Variants in RNF115 observed in about 807,000 individuals in gnomAD.
RNF115 encodes ring finger protein 115.
RNF115 carries 31 observed loss-of-function variants against 39.2 expected under a neutral mutation model. The observed-to-expected ratio is 0.79, with a 90% confidence interval of 0.59 to 1.07. The LOEUF is 1.07. Ranked by LOEUF, RNF115 falls within the 50% of genes least tolerant of loss-of-function variation. RNF115 has a pLI of 0.00. For synonymous variants in RNF115, 124 were observed against 131.0 expected (o/e 0.95, Z 0.37); for missense variants, 384 against 381.7 (o/e 1.01, Z -0.05).
At chr1:145,754,038 CACTTT>C (rs1320376047) in intron 4 of RNF115, among the ~76,000 whole-genome samples, 1 of 152,094 alleles carries the variant, frequency 6.6e-6, no homozygotes. Flanking sequence ...CCCTGGTTCC[CACTTT>C]ACTTATTAGG....
At chr1:145,766,521 G>C (rs12734688) in intron 4 of RNF115, among the ~76,000 whole-genome samples, 1 of 151,448 alleles carries the variant, frequency 6.6e-6, no homozygotes, top group Admixed American at 6.6e-5. Context: ...ACACCTCCCA[G>C]ACGGGGTGGT....
intron 4 of RNF115, among the ~76,000 whole-genome samples, chr1:145,761,618 ACCCGGATGCCCAG>A (rs1553713859): frequency 6.6e-6 from 1 of 152,216 alleles, no homozygotes; most frequent in African/African-American, 2.4e-5. Context: ...GTATGGAAAC[ACCCGGATGCCCAG>A]GCAAAAGTTT....
At chr1:145,820,397 C>G (rs1452160761) in intron 1 of RNF115, among the ~76,000 whole-genome samples, 2 of 151,714 alleles carry the variant, frequency 1.3e-5, no homozygotes, top group East Asian at 3.9e-4. Context: ...CCCACAAATT[C>G]AAGAACAGCC....
intron 3 of RNF115, among the ~76,000 whole-genome samples, chr1:145,783,224 CA>C: frequency 6.6e-6 from 1 of 152,228 alleles, no homozygotes; most frequent in South Asian, 2.1e-4. Flanking sequence ...AATGCAAGTT[CA>C]AAACACGATC....
intron 1 of RNF115, among the ~76,000 whole-genome samples, chr1:145,794,420 G>A (rs1648838100): frequency 6.6e-6 from 1 of 150,964 alleles, no homozygotes; most frequent in Admixed American, 6.6e-5. Context: ...AACTCATCAA[G>A]CTCAGCACTG....
At chr1:145,787,119 C>T (rs1305773962) in intron 2 of RNF115, 2 of 822,838 alleles carry the variant, frequency 2.4e-6, no homozygotes, top group Non-Finnish European at 3.6e-6. Context: ...TCCAAAGTCA[C>T]TCCAAGATTA....
At chr1:145,791,050 G>A (rs1571758758) in intron 1 of RNF115, among the ~76,000 whole-genome samples, 1 of 151,914 alleles carries the variant, frequency 6.6e-6, no homozygotes, top group African/African-American at 2.4e-5. Context: ...GCTGAGGCAG[G>A]AGAACTGCTT....
At position 145,740,922 on chromosome 1, in the gene RNF115, C is replaced by T. The variant is rs1403247604; in HGVS notation, c.*5944G>A. The T allele has an allele frequency of 6.6e-6, 1 of 152,298 alleles. No individual in the cohort carries two copies. The highest frequency in any genetic ancestry group is 1.5e-5 in the Non-Finnish European group (1 of 68,088). The allele number at this position is 152,298 out of a possible 1,614,324, so 9.4% of individuals were successfully genotyped here. A position where few individuals can be genotyped will look rare whatever the true frequency, so the allele number is the denominator to read the frequency against. ...GCACAATCTTGGCTCACTACAACCT[C>T]TGCCTCCTTGGTTCAAACGATTCTC... On this transcript the variant is annotated 3_prime_UTR_variant, in exon 9 of 9. Transcript: ENST00000582693.
intron 4 of RNF115, among the ~76,000 whole-genome samples, chr1:145,756,245 G>A (rs1024575761): frequency 6.6e-6 from 1 of 152,124 alleles, no homozygotes; most frequent in Non-Finnish European, 1.5e-5. Context: ...AGGATCACTT[G>A]AGGCCAGGAA....
At chr1:145,789,018 G>T in intron 1 of RNF115, 52 bp from the exon 2 acceptor site, 1 of 1,132,186 alleles carries the variant, frequency 8.8e-7, no homozygotes, top group Non-Finnish European at 1.3e-6. Context: ...AAAGCTACGT[G>T]GTATCTGTAG....
intron 4 of RNF115, among the ~76,000 whole-genome samples, chr1:145,759,591 A>T (rs184309511): frequency 6.6e-6 from 1 of 152,160 alleles, no homozygotes; most frequent in African/African-American, 2.4e-5. Flanking sequence ...TCTCTAGCTT[A>T]TATTAATGCA....
intron 1 of RNF115, among the ~76,000 whole-genome samples, chr1:145,793,464 G>A (rs912671145): frequency 6.6e-6 from 1 of 152,002 alleles, no homozygotes; most frequent in East Asian, 1.9e-4. Context: ...TGAAATCACA[G>A]TGCTAGGCCC....
chr1:145,760,608 G>A, intron 4 of RNF115, among the ~76,000 whole-genome samples: 1 of 152,226 alleles, frequency 6.6e-6, no homozygotes, highest in Non-Finnish European at 1.5e-5. Context: ...TGTAAGAAGT[G>A]CCTTTCACCT....
At chr1:145,792,866 C>T (rs1009226114) in intron 1 of RNF115, among the ~76,000 whole-genome samples, 73 of 152,134 alleles carry the variant, frequency 4.8e-4, no homozygotes, top group African/African-American at 1.7e-3. Flanking sequence ...CCTTTTTTCT[C>T]CACTACACAC....
chr1:145,790,763 A>G (rs1553718836), intron 1 of RNF115, among the ~76,000 whole-genome samples: 1 of 152,054 alleles, frequency 6.6e-6, no homozygotes, highest in Non-Finnish European at 1.5e-5. Flanking sequence ...TTCATCGTCC[A>G]ATTTTTTCTT....
At chr1:145,751,588 G>A in intron 5 of RNF115, 78 bp from the exon 6 acceptor site, 1 of 954,124 alleles carries the variant, frequency 1.0e-6, no homozygotes, top group Non-Finnish European at 1.6e-6. Context: ...AATTGGCAGA[G>A]GGATCCTGTT....
chr1:145,758,543 CA>C (rs1248633044), intron 4 of RNF115, among the ~76,000 whole-genome samples: 1 of 152,168 alleles, frequency 6.6e-6, no homozygotes, highest in Non-Finnish European at 1.5e-5. Context: ...TAAAGTGTTA[CA>C]CAGCAATAGG....
chr1:145,769,984 G>A (rs1647561562), intron 4 of RNF115, among the ~76,000 whole-genome samples: 1 of 151,878 alleles, frequency 6.6e-6, no homozygotes. Context: ...TTCTAGCCTG[G>A]GAAACAAAGT....
At chr1:145,815,037 T>C (rs1649921824) in intron 1 of RNF115, among the ~76,000 whole-genome samples, 1 of 152,282 alleles carries the variant, frequency 6.6e-6, no homozygotes, top group Non-Finnish European at 1.5e-5. Context: ...GGGACCTTTC[T>C]AAGAATCATG....
Sources: allele counts gnomAD v4.1 joint callset (sites outside exome capture counted in the v4.1 genomes callset), GRCh38; gene constraint gnomAD v4.1.1; transcripts MANE v1.5; gene names NCBI Gene and HGNC (gene_info 2026-07-23, HGNC 2026-07-21).